PANK4: variants seen among roughly 807,000 people sequenced by gnomAD.
The protein encoded by PANK4 is pantothenate kinase 4 (inactive).
A neutral mutation model predicts 87.9 loss-of-function variants in PANK4; 40 were observed. That is an observed-to-expected ratio of 0.46 (90% CI 0.35 to 0.59). PANK4 has a LOEUF of 0.59. PANK4 is among the 20% of genes least tolerant of loss of function. PANK4 has a pLI of 0.00. For synonymous variants in PANK4, 524 were observed against 467.4 expected (o/e 1.12, Z -1.56); for missense variants, 926 against 1,072.3 (o/e 0.86, Z 1.90).
rs1373581317 is a variant in PANK4, at chr1:2,508,963, C to T, written c.2206G>A (p.Ala736Thr). ...TTGAGGCTCTCGCAGCGCAGGGCTG[C>T]GTGGTAGTTTGTGTGGACAGCACGG... is the stretch of plus-strand genomic sequence containing the variant. ...MGRAVHTNYH[A>T]ALRCESLKLA... Residue 736 changes from alanine (A) to threonine (T), a missense_variant, in exon 19 of 19, where the codon GCA (alanine) becomes ACA (threonine). Transcript: ENST00000378466. The surrounding 1 kb of genome is among the most constrained non-coding windows in gnomAD (Gnocchi z 5.1). The T allele has an allele frequency of 9.9e-6, 16 of 1,610,064 alleles. No individual in the cohort carries two copies. Among genetic ancestry groups the T allele is most frequent in the Admixed American group, 3.3e-5 (2 of 59,776 alleles).
chr1:2,523,862 G>A (rs530290094), intron 1 of PANK4, among the ~76,000 whole-genome samples: 1 of 152,364 alleles, frequency 6.6e-6, no homozygotes, highest in South Asian at 2.1e-4. Context: ...GCCTCCTGGC[G>A]GCTCTCCGGG....
chr1:2,509,028 C>CG lies in PANK4; in HGVS notation c.2140dup (p.Arg714ProfsTer97). Reference sequence around the variant, plus strand: ...GACCACCAGATCCGCGCCACGCTCCCGCACCAGTGCGGCCAGCCCCTTATC... The same window carrying CG: ...GACCACCAGATCCGCGCCACGCTCCCGGCACCAGTGCGGCCAGCCCCTTATC... On this transcript the variant is annotated frameshift_variant, in exon 19 of 19. Coordinates refer to ENST00000378466, the MANE Select transcript of PANK4 (RefSeq NM_018216.4). LOFTEE classifies it high-confidence loss of function. This position sits in a 1 kb window ranked among gnomAD's most constrained non-coding sequence, Gnocchi z 4.9. 1 of 1,602,108 alleles carries CG rather than the reference C, an allele frequency of 6.2e-7. No individual in the cohort carries two copies. The highest frequency in any genetic ancestry group is 8.5e-7 in the Non-Finnish European group (1 of 1,179,368).
Position 2,518,273 on chromosome 1 carries a change from C to CA in PANK4, c.1118-10dup. On this transcript the variant is annotated splice_polypyrimidine_tract_variant and intron_variant, in intron 8 of 18. Coordinates refer to ENST00000378466, the MANE Select transcript of PANK4 (RefSeq NM_018216.4). The stretch of plus-strand genomic sequence containing the variant: ...GCTGTACTGGTTAGGATCTGGAAAG[C>CA]AAGAAGCCAGGTCACTTGTGTTAAC... 6.3e-7 allele frequency: 1 copy of CA among 1,598,764 alleles called. No individual in the cohort carries two copies. Among genetic ancestry groups the CA allele is most frequent in the Non-Finnish European group, 8.6e-7 (1 of 1,168,770 alleles).
intron 1 of PANK4, among the ~76,000 whole-genome samples, chr1:2,525,069 G>A (rs953508901): frequency 2.0e-5 from 3 of 152,182 alleles, no homozygotes; most frequent in African/African-American, 7.2e-5. Context: ...AAAGGTGGGA[G>A]CCAGGACCTA....
chr1:2,514,634 C>T (rs1184029429), intron 10 of PANK4, among the ~76,000 whole-genome samples, 168 bp from the exon 11 acceptor site: 5 of 61,634 alleles, frequency 8.1e-5, no homozygotes, highest in East Asian at 5.0e-4. Context: ...AGCCGGCTGT[C>T]GGGGGCTGTT....
intron 7 of PANK4, 58 bp from the exon 8 acceptor site, chr1:2,518,655 G>A (rs375867412): frequency 7.8e-6 from 11 of 1,402,364 alleles, no homozygotes; most frequent in Middle Eastern, 1.7e-4. Context: ...CGGTGCCTCC[G>A]CAAACCAGCT....
At position 2,521,120 on chromosome 1, in the gene PANK4, C is replaced by T; in HGVS notation, c.403G>A (p.Glu135Lys). The T allele has an allele frequency of 2.5e-6, 4 of 1,613,402 alleles. No individual in the cohort carries two copies. Among genetic ancestry groups the T allele is most frequent in the Non-Finnish European group, 3.4e-6 (4 of 1,179,716 alleles). ...ACTCACTTCAGCCGCAGCTTCTCTT[C>T]GATGAGGTCTTTGAACTTGTAGGCC... The part of the protein sequence containing the change: ...GGAYKFKDLI[E>K]EKLRLKVDKE... Residue 135 changes from glutamate (E) to lysine (K), a missense_variant, in exon 3 of 19, where the codon GAA (glutamate) becomes AAA (lysine). Coordinates refer to ENST00000378466, the MANE Select transcript of PANK4 (RefSeq NM_018216.4).
chr1:2,519,802 T>G lies in PANK4; in HGVS notation c.852A>C (p.Gln284His). ...SSFGKSATAD[Q>H]EFSKEDMAKS... is the part of the protein sequence containing the mutation. ...GGCGGCAGAGGCCGGGGTGAGCACC[T>G]TGGTCGGCGGTGGCCGACTTCCCGA... The change falls in exon 6 of 19, where the codon CAA (glutamine) becomes CAC (histidine). Residue 284 changes from glutamine (Q) to histidine (H), a missense_variant and splice_region_variant. Transcript: ENST00000378466. The surrounding 1 kb of genome is among the most constrained non-coding windows in gnomAD (Gnocchi z 8.3). 6.3e-7 allele frequency: 1 copy of G among 1,576,456 alleles called. No individual in the cohort carries two copies. The highest frequency in any genetic ancestry group is 8.6e-7 in the Non-Finnish European group (1 of 1,162,522).
In PANK4 at chr1:2,514,336, G is replaced by C; in HGVS notation, c.1487+18C>G. ...TGGATGGAAGAGGTGGCCACACACC[G>C]GGGTGCTGGGCACTTACAAGGGCTG... is the stretch of plus-strand genomic sequence containing the variant. On this transcript the variant is annotated intron_variant, in intron 11 of 18. Coordinates refer to ENST00000378466, the MANE Select transcript of PANK4 (RefSeq NM_018216.4). 1 of 1,563,258 alleles carries C rather than the reference G, an allele frequency of 6.4e-7. No homozygotes were observed. The highest frequency in any genetic ancestry group is 8.8e-7 in the Non-Finnish European group (1 of 1,135,346).
In PANK4 at chr1:2,509,652, C is replaced by G. The variant is rs1397454827; in HGVS notation, c.2108+210G>C. On this transcript the variant is annotated intron_variant, in intron 18 of 18. Transcript: ENST00000378466. This position sits in a 1 kb window ranked among gnomAD's most constrained non-coding sequence, Gnocchi z 4.9. Reference sequence around the variant, plus strand: ...GTCCCCAAACCCAGCCCATGTGTAACCACCTCAGACCCTGAATCCATTCAC... The same window carrying G: ...GTCCCCAAACCCAGCCCATGTGTAAGCACCTCAGACCCTGAATCCATTCAC... 6.6e-6 allele frequency: 4 copies of G among 607,612 alleles called. No homozygotes were observed. The highest frequency in any genetic ancestry group is 4.4e-4 in the Middle Eastern group (1 of 2,270). The allele number at this position is 607,612 out of a possible 1,614,324, so 37.6% of individuals were successfully genotyped here.
At position 2,509,286 on chromosome 1, in the gene PANK4, TCTC is replaced by T. The variant is rs1643619731; in HGVS notation, c.2109-229_2109-227del. Among the ~76,000 whole-genome samples the T allele has an allele frequency of 6.6e-6, 1 of 152,164 alleles. No individual in the cohort carries two copies. The stretch of plus-strand genomic sequence containing the variant: ...TGCAGCTTGGAAACTCTGCCCTAGA[TCTC>T]CTGTGAACTCTAGGGATGGATTCCT... On this transcript the variant is annotated intron_variant, in intron 18 of 18. Transcript: ENST00000378466. The surrounding 1 kb of genome is among the most constrained non-coding windows in gnomAD (Gnocchi z 4.9).
intron 7 of PANK4, 66 bp from the exon 8 acceptor site, chr1:2,518,663 G>T: frequency 7.5e-7 from 1 of 1,334,784 alleles, no homozygotes; most frequent in Non-Finnish European, 1.1e-6. Context: ...CCGCAAACCA[G>T]CTCAACGTGC....
chr1:2,512,561 C>T (rs1321975912), intron 13 of PANK4: 1 of 366,880 alleles, frequency 2.7e-6, no homozygotes, highest in Non-Finnish European at 5.0e-6. Flanking sequence ...TGTTTAATTC[C>T]TACCACACAT....
rs2100791677 is a variant in PANK4 at position 2,520,870 on chromosome 1, C to A, written c.459G>T (p.Lys153Asn). The change falls in exon 4 of 19, where the codon AAG becomes AAT. Residue 153 changes from lysine (K) to asparagine (N), a missense_variant. Physicochemically the swap from Lys to Asn is moderately conservative, Grantham distance 94. Transcript: ENST00000378466. This position sits in a 1 kb window ranked among gnomAD's most constrained non-coding sequence, Gnocchi z 6.2. The stretch of plus-strand genomic sequence containing the variant: ...TGTTCTTGAGCACGAAGTTGCACCC[C>A]TTAATCAGGCACGTCATCACGTCCT... ...DKEDVMTCLI[K>N]GCNFVLKNIP... 6.4e-7 allele frequency: 1 copy of A among 1,571,046 alleles called. No individual in the cohort carries two copies. The highest frequency in any genetic ancestry group is 8.6e-7 in the Non-Finnish European group (1 of 1,159,074).
chr1:2,521,657 C>G, intron 2 of PANK4, 61 bp downstream of exon 2: 1 of 1,290,220 alleles, frequency 7.8e-7, no homozygotes, highest in Non-Finnish European at 1.1e-6. Flanking sequence ...GAGACAAGTG[C>G]CAGGTCCAAG....
chr1:2,521,972 GAACA>G, intron 1 of PANK4, 172 bp from the exon 2 acceptor site: 1 of 612,348 alleles, frequency 1.6e-6, no homozygotes, highest in Admixed American at 2.8e-5. Context: ...ACAGGAAAAC[GAACA>G]ATCAAATCTA....
chr1:2,522,173 G>A (rs151183192), intron 1 of PANK4, among the ~76,000 whole-genome samples: 42 of 152,316 alleles, frequency 2.8e-4, no homozygotes, highest in African/African-American at 9.4e-4. Context: ...GACCCAAAGC[G>A]ATAAGCTGAC....
chr1:2,509,427 G>A lies in PANK4; in HGVS notation c.2109-367C>T, dbSNP rs1343769942. 6.6e-6 allele frequency among the ~76,000 whole-genome samples: 1 copy of A among 152,138 alleles called. No individual in the cohort carries two copies. The highest frequency in any genetic ancestry group is 2.4e-5 in the African/African-American group (1 of 41,420). On this transcript the variant is annotated intron_variant, in intron 18 of 18. Coordinates refer to ENST00000378466, the MANE Select transcript of PANK4 (RefSeq NM_018216.4). This position sits in a 1 kb window ranked among gnomAD's most constrained non-coding sequence, Gnocchi z 4.9. ...CCAGCGGCCCCAGCACTCAGAACCC[G>A]CTCATTTAAGGGGTTCCTTCCTCCT...
At position 2,520,473 on chromosome 1, in the gene PANK4, C is replaced by A; in HGVS notation, c.607-59G>T. The A allele has an allele frequency of 1.4e-6, 2 of 1,419,118 alleles. No homozygotes were observed. The highest frequency in any genetic ancestry group is 2.0e-6 in the Non-Finnish European group (2 of 1,016,910). 87.9% of individuals were successfully genotyped at this position (1,419,118 alleles called of 1,614,324 possible). ...GGGCCCTCAGCCACACAGGCTCCCC[C>A]GCCCCCCGCCCCATGTGCTGCGCTG... On this transcript the variant is annotated intron_variant, in intron 4 of 18. Coordinates refer to ENST00000378466, the MANE Select transcript of PANK4 (RefSeq NM_018216.4). The surrounding 1 kb of genome is among the most constrained non-coding windows in gnomAD (Gnocchi z 6.2).
Sources: gnomAD v4.1 joint callset for allele counts (sites outside exome capture counted in the v4.1 genomes callset) on GRCh38, gnomAD v4.1.1 for gene constraint, Gnocchi (gnomAD v3.1) non-coding constraint, MANE v1.5 for transcripts, NCBI Gene and HGNC (gene_info 2026-07-23, HGNC 2026-07-21) for gene names.